Variants in CCDC149 observed in about 807,000 individuals in gnomAD.
CCDC149 encodes coiled-coil domain-containing protein 149.
In CCDC149, 45 loss-of-function variants were observed where a neutral mutation model predicts 59.9. The ratio of observed to expected loss-of-function variants is 0.75; its 90% confidence interval spans 0.59 to 0.96. The LOEUF (loss-of-function observed/expected upper bound fraction) is 0.96, where lower values mean the gene tolerates loss of function less well. Among genes scored for constraint, CCDC149 ranks in the 40% least tolerant of loss-of-function variants. The pLI is 0.00. For synonymous variants in CCDC149, 245 were observed against 260.6 expected (o/e 0.94, Z 0.58); for missense variants, 584 against 664.7 (o/e 0.88, Z 1.33).
intron 1 of CCDC149, among the ~76,000 whole-genome samples, chr4:24,929,238 G>A (rs1174920809): frequency 1.3e-5 from 2 of 152,106 alleles, no homozygotes; most frequent in East Asian, 1.9e-4. Context: ...AAAACAGCCC[G>A]TCGTCTGCAG....
At chr4:24,958,996 A>G (rs1249396665) in intron 1 of CCDC149, among the ~76,000 whole-genome samples, 1 of 151,728 alleles carries the variant, frequency 6.6e-6, no homozygotes, top group Non-Finnish European at 1.5e-5. Context: ...TCACGCAGGC[A>G]GAGCCACAGC....
rs764563322 is a variant in CCDC149, at chr4:24,836,448, A to G, written c.723T>C (p.Ile241=). ...ATGATTTTGCTACCTTGTATTTGGC[A>G]ATGTTTGATTTCAAGAGGTTGACCT... Residue 241 remains isoleucine, a synonymous_variant, in exon 7 of 13, where the codon ATT becomes ATC. Transcript: ENST00000635206. The G allele has an allele frequency of 6.2e-7, 1 of 1,609,874 alleles. No individual in the cohort carries two copies. The highest frequency in any genetic ancestry group is 1.1e-5 in the South Asian group (1 of 90,906).
At chr4:24,944,440 C>A (rs1172312436) in intron 1 of CCDC149, among the ~76,000 whole-genome samples, 1 of 151,928 alleles carries the variant, frequency 6.6e-6, no homozygotes, top group Admixed American at 6.6e-5. Flanking sequence ...AGGAGATATA[C>A]CTAATGCTAA....
At chr4:24,946,091 A>G (rs1023619045) in intron 1 of CCDC149, among the ~76,000 whole-genome samples, 1 of 152,226 alleles carries the variant, frequency 6.6e-6, no homozygotes, top group Non-Finnish European at 1.5e-5. Context: ...ACAGTCAAAG[A>G]TAGACACACC....
chr4:24,900,660 C>T (rs1721113822), intron 1 of CCDC149, among the ~76,000 whole-genome samples: 1 of 152,234 alleles, frequency 6.6e-6, no homozygotes, highest in South Asian at 2.1e-4. Flanking sequence ...CAGCTCCTCT[C>T]TTTCTTAGGT....
At position 24,968,925 on chromosome 4, in the gene CCDC149, T is replaced by C. The variant is rs1723882979; in HGVS notation, c.-65+11144A>G. Among the ~76,000 whole-genome samples, 3 of 152,210 alleles carry C rather than the reference T, an allele frequency of 2.0e-5. No individual in the cohort carries two copies. The South Asian group carries it at 6.2e-4, about 32-fold the overall frequency. Reference sequence around the variant, plus strand: ...TAGGTCATCAGAAAGAGATAACTATTTATCACGTGTCAGGCCATATTCCTT... The same window carrying C: ...TAGGTCATCAGAAAGAGATAACTATCTATCACGTGTCAGGCCATATTCCTT... On this transcript the variant is annotated intron_variant, in intron 1 of 12. Coordinates refer to the CCDC149 transcript ENST00000389609.
intron 1 of CCDC149, among the ~76,000 whole-genome samples, chr4:24,921,391 T>C (rs933563715): frequency 2.0e-5 from 3 of 152,224 alleles, no homozygotes; most frequent in African/African-American, 7.2e-5. Flanking sequence ...ACCCTATATG[T>C]ACTTCTCTCC....
At chr4:24,878,090 C>A (rs551712415) in intron 1 of CCDC149, among the ~76,000 whole-genome samples, 2 of 152,102 alleles carry the variant, frequency 1.3e-5, no homozygotes, top group East Asian at 3.9e-4. Context: ...GGAGTCAATG[C>A]TCTTTTATGG....
At chr4:24,902,955 G>A (rs1721254942) in intron 1 of CCDC149, among the ~76,000 whole-genome samples, 1 of 144,476 alleles carries the variant, frequency 6.9e-6, no homozygotes, top group Admixed American at 7.2e-5. Flanking sequence ...AGCCCAGGAA[G>A]CAGAGGTTGC....
upstream of CCDC149, among the ~76,000 whole-genome samples, chr4:24,914,391 A>T (rs1722058473): frequency 6.6e-6 from 1 of 151,676 alleles, no homozygotes; most frequent in Non-Finnish European, 1.5e-5. Flanking sequence ...ACCAGAAAAA[A>T]AAAAAAAAAA....
chr4:24,875,329 C>CAA (rs1253460363), intron 2 of CCDC149, among the ~76,000 whole-genome samples: 9 of 103,940 alleles, frequency 8.7e-5, no homozygotes, highest in African/African-American at 2.1e-4. Flanking sequence ...GAATCCGTCT[C>CAA]AAAAAAAAAA....
chr4:24,963,595 A>G (rs1165702579), intron 1 of CCDC149, among the ~76,000 whole-genome samples: 7 of 152,146 alleles, frequency 4.6e-5, no homozygotes, highest in Admixed American at 3.9e-4. Flanking sequence ...TTATGTTCCC[A>G]CTCACTCAAT....
rs747555118 is a variant in CCDC149 at position 24,838,278 on chromosome 4, T to C, written c.373-6A>G. 1 of 1,608,002 alleles carries C rather than the reference T, an allele frequency of 6.2e-7. No homozygotes were observed. On this transcript the variant is annotated splice_region_variant and splice_polypyrimidine_tract_variant and intron_variant, in intron 4 of 12. Transcript: ENST00000635206. ...GCAATCGTCATCCTCAAGAGCTGCA[T>C]TTTCCATTGGTAGAAAAAGAAAAAG... is the stretch of plus-strand genomic sequence containing the variant.
intron 1 of CCDC149, among the ~76,000 whole-genome samples, chr4:24,931,547 C>G (rs1722587668): frequency 6.6e-6 from 1 of 151,198 alleles, no homozygotes; most frequent in Non-Finnish European, 1.5e-5. Flanking sequence ...GGTTAGTGAC[C>G]TTCTCATTCA....
At chr4:24,967,767 C>T (rs976745643) in intron 1 of CCDC149, among the ~76,000 whole-genome samples, 9 of 151,848 alleles carry the variant, frequency 5.9e-5, no homozygotes, top group Admixed American at 2.0e-4. Flanking sequence ...GAAGTGGCGG[C>T]GCCCCTCTTG....
chr4:24,816,202 C>T (rs962611061), intron 12 of CCDC149, among the ~76,000 whole-genome samples: 5 of 152,158 alleles, frequency 3.3e-5, no homozygotes. Context: ...ATCCTTCCGC[C>T]TCAGCCTTCC....
chr4:24,964,075 A>T (rs2109363028), intron 1 of CCDC149, among the ~76,000 whole-genome samples: 2 of 151,996 alleles, frequency 1.3e-5, no homozygotes, highest in Admixed American at 1.3e-4. Context: ...ATATGTCTGT[A>T]GTTCCAGCTA....
chr4:24,834,808 C>T, intron 8 of CCDC149, 140 bp downstream of exon 8: 1 of 529,918 alleles, frequency 1.9e-6, no homozygotes. Flanking sequence ...AACTCTGATG[C>T]ACGTGGAAGT....
chr4:24,902,389 C>A (rs972809786), intron 1 of CCDC149, among the ~76,000 whole-genome samples: 1 of 152,240 alleles, frequency 6.6e-6, no homozygotes, highest in African/African-American at 2.4e-5. Flanking sequence ...CTCCCCATTA[C>A]CAGCTACATC....
Sources: gnomAD v4.1 joint callset for allele counts (sites outside exome capture counted in the v4.1 genomes callset) on GRCh38, gnomAD v4.1.1 for gene constraint, MANE v1.5 for transcripts, NCBI Gene and HGNC (gene_info 2026-07-23, HGNC 2026-07-21) for gene names.